HLCS: variants seen among roughly 807,000 people sequenced by gnomAD.
HLCS encodes the protein holocarboxylase synthetase, also known as biotin--protein ligase.
In HLCS, 53 loss-of-function variants were observed where a neutral mutation model predicts 75.0. The ratio of observed to expected loss-of-function variants is 0.71; its 90% CI spans 0.57 to 0.89. The LOEUF is 0.89. Ranked by LOEUF, HLCS falls within the 40% of genes least tolerant of loss-of-function variation. HLCS has a pLI of 0.00. For synonymous variants in HLCS, 431 were observed against 428.6 expected (o/e 1.01, Z -0.07); for missense variants, 966 against 1,074.0 (o/e 0.90, Z 1.41).
chr21:36,955,955 G>A (rs1189758096), intron 2 of HLCS, among the ~76,000 whole-genome samples: 1 of 152,128 alleles, frequency 6.6e-6, no homozygotes, highest in Non-Finnish European at 1.5e-5. Flanking sequence ...TGCTGTACAG[G>A]TTTATAGCCT....
intron 6 of HLCS, among the ~76,000 whole-genome samples, chr21:36,792,639 C>A (rs1389158803): frequency 2.0e-5 from 3 of 152,166 alleles, no homozygotes. Context: ...GATGAGGCAC[C>A]TGCTCAGAGA....
At chr21:36,954,252 G>C (rs991971723) in intron 2 of HLCS, among the ~76,000 whole-genome samples, 1 of 151,854 alleles carries the variant, frequency 6.6e-6, no homozygotes, top group African/African-American at 2.4e-5. Context: ...GTTGCAGTGA[G>C]CTATCACACC....
chr21:36,871,899 T>A (rs1012988136), intron 6 of HLCS, among the ~76,000 whole-genome samples: 1 of 152,150 alleles, frequency 6.6e-6, no homozygotes, highest in South Asian at 2.1e-4. Flanking sequence ...CTCAACAATA[T>A]CTGTTTTCAG....
chr21:36,827,594 A>G (rs2062050703), intron 6 of HLCS, among the ~76,000 whole-genome samples: 1 of 150,470 alleles, frequency 6.6e-6, no homozygotes, highest in Non-Finnish European at 1.5e-5. Context: ...AAAAACCAAC[A>G]AAAAACAAAA....
intron 6 of HLCS, among the ~76,000 whole-genome samples, chr21:36,844,124 C>A (rs542729915): frequency 1.3e-5 from 2 of 152,324 alleles, no homozygotes; most frequent in African/African-American, 4.8e-5. Context: ...TGCTCCCTCT[C>A]TCCGGTGCAG....
chr21:36,767,754 C>T (rs760542212), intron 6 of HLCS, among the ~76,000 whole-genome samples: 3 of 151,954 alleles, frequency 2.0e-5, no homozygotes, highest in South Asian at 4.2e-4. Flanking sequence ...TTCAGAAAAC[C>T]AATATGGTGG....
At chr21:36,858,454 A>T (rs11088366) in intron 6 of HLCS, among the ~76,000 whole-genome samples, 35,650 of 152,126 alleles carry the variant, frequency 0.23, 4,456 homozygotes, top group Middle Eastern at 0.33. Context: ...AAAACAGAAG[A>T]TTGGGGGGAA....
chr21:36,856,114 T>C (rs920324416), intron 6 of HLCS, among the ~76,000 whole-genome samples: 10 of 152,150 alleles, frequency 6.6e-5, no homozygotes, highest in Non-Finnish European at 1.0e-4. Context: ...GGGTTTCTTT[T>C]TGGGGTGATT....
In HLCS at chr21:36,862,151, A is replaced by G. The variant is rs1317864350; in HGVS notation, c.1892+34709T>C. 7.9e-5 allele frequency among the ~76,000 whole-genome samples: 12 copies of G among 152,364 alleles called. No homozygotes were observed. The East Asian group carries it at 2.1e-3, about 27-fold the overall frequency. On this transcript the variant is annotated intron_variant, in intron 6 of 10. Coordinates refer to ENST00000674895, the MANE Select transcript of HLCS (RefSeq NM_001352514.2). Reference sequence around the variant, plus strand: ...GCATTCCTTTTTATGGCTCAATAATATTCCATCATATGACTAGACATTTTA... The same window carrying G: ...GCATTCCTTTTTATGGCTCAATAATGTTCCATCATATGACTAGACATTTTA...
chr21:36,751,435 G>A lies in HLCS; in HGVS notation c.*2811C>T, dbSNP rs796464077. On this transcript the variant is annotated 3_prime_UTR_variant, in exon 11 of 11. Transcript: ENST00000674895. The stretch of plus-strand genomic sequence containing the variant: ...CCTTTTCCATCTGAAGCAGTGCGGG[G>A]AGGCTGGCTCCTCTCTTTGTTCCCA... The A allele has an allele frequency of 2.0e-5, 3 of 152,372 alleles. No individual in the cohort carries two copies. Among genetic ancestry groups the A allele is most frequent in the Non-Finnish European group, 4.4e-5 (3 of 68,102 alleles). 9.4% of individuals were successfully genotyped at this position (152,372 alleles called of 1,614,324 possible).
chr21:36,901,937 G>C (rs1297646253), intron 5 of HLCS, among the ~76,000 whole-genome samples: 1 of 152,078 alleles, frequency 6.6e-6, no homozygotes, highest in Non-Finnish European at 1.5e-5. Context: ...AAGAGATTGA[G>C]AAAGGGAGAG....
In HLCS at chr21:36,873,279, A is replaced by T. The variant is rs563041376; in HGVS notation, c.1892+23581T>A. Among the ~76,000 whole-genome samples, 15 of 152,172 alleles carry T rather than the reference A, an allele frequency of 9.9e-5. No homozygotes were observed. The South Asian group carries it at 3.1e-3, about 32-fold the overall frequency. ...ACTACAGGCGTGTACCACCACACCAAGCTAATTTTTGTATTTTTAGTAGAG... is the reference window on the plus strand; with the variant it reads ...ACTACAGGCGTGTACCACCACACCATGCTAATTTTTGTATTTTTAGTAGAG... On this transcript the variant is annotated intron_variant, in intron 6 of 10. Coordinates refer to ENST00000674895, the MANE Select transcript of HLCS (RefSeq NM_001352514.2).
intron 6 of HLCS, among the ~76,000 whole-genome samples, chr21:36,816,626 T>C (rs1601376468): frequency 1.3e-5 from 2 of 152,212 alleles, no homozygotes; most frequent in South Asian, 4.1e-4. Flanking sequence ...GCCATTCTAG[T>C]AATCAAGCTA....
At chr21:36,868,263 G>GA in intron 6 of HLCS, among the ~76,000 whole-genome samples, 2 of 147,552 alleles carry the variant, frequency 1.4e-5, no homozygotes. Context: ...AAGAGAGAAG[G>GA]AAGGAAGGAA....
chr21:36,879,665 C>T (rs11911648), intron 6 of HLCS, among the ~76,000 whole-genome samples: 18,410 of 152,070 alleles, frequency 0.12, 1,450 homozygotes, highest in Non-Finnish European at 0.18. Context: ...AGCACAGTGG[C>T]TCACACCTAT....
chr21:36,956,544 C>G (rs557154599), intron 2 of HLCS, among the ~76,000 whole-genome samples: 9 of 151,740 alleles, frequency 5.9e-5, no homozygotes, highest in Non-Finnish European at 1.3e-4. Context: ...CTGGCTAACA[C>G]GGTGAAACCC....
chr21:36,939,709 G>A (rs1016725373), intron 2 of HLCS, among the ~76,000 whole-genome samples: 2 of 152,156 alleles, frequency 1.3e-5, no homozygotes, highest in African/African-American at 4.8e-5. Flanking sequence ...ACTGGGGCCT[G>A]GAACACCCAT....
intron 2 of HLCS, among the ~76,000 whole-genome samples, chr21:36,959,212 G>A (rs954792490): frequency 5.9e-5 from 9 of 152,344 alleles, no homozygotes; most frequent in East Asian, 1.9e-4. Flanking sequence ...CCCTGTGCCC[G>A]CTCTGATTCT....
At chr21:36,939,018 G>A in intron 2 of HLCS, 24 bp from the exon 3 acceptor site, 1 of 1,589,514 alleles carries the variant, frequency 6.3e-7, no homozygotes, top group Non-Finnish European at 8.5e-7. Flanking sequence ...GGAGAGGGAG[G>A]AGGTGGGAAA....
Sources: gnomAD v4.1 joint callset for allele counts (sites outside exome capture counted in the v4.1 genomes callset) on GRCh38, gnomAD v4.1.1 for gene constraint, MANE v1.5 for transcripts, NCBI Gene and HGNC (gene_info 2026-07-23, HGNC 2026-07-21) for gene names.